Variants in ARNT2 observed in about 807,000 individuals in gnomAD.
ARNT2 encodes the protein ARNT protein 2.
A neutral mutation model predicts 91.7 loss-of-function variants in ARNT2; 36 were observed. That is an observed-to-expected ratio of 0.39 (90% CI 0.30 to 0.52). The LOEUF is 0.52. Among genes scored for constraint, ARNT2 ranks in the 20% least tolerant of loss-of-function variants. ARNT2 has a pLI of 0.72. For synonymous variants in ARNT2, 365 were observed against 347.1 expected (o/e 1.05, Z -0.57); for missense variants, 775 against 939.3 (o/e 0.83, Z 2.29).
chr15:80,425,405 T>C (rs1203917737), intron 1 of ARNT2, among the ~76,000 whole-genome samples: 1 of 152,154 alleles, frequency 6.6e-6, no homozygotes, highest in East Asian at 1.9e-4. Flanking sequence ...AAAAGAAATA[T>C]CATATACTAA....
intron 1 of ARNT2, among the ~76,000 whole-genome samples, chr15:80,416,488 T>A (rs1895787497): frequency 6.6e-6 from 1 of 152,194 alleles, no homozygotes; most frequent in Non-Finnish European, 1.5e-5. Context: ...TCCACAGACC[T>A]TATTCAATTT....
chr15:80,551,098 C>G, intron 8 of ARNT2, 101 bp from the exon 9 acceptor site: 1 of 1,164,178 alleles, frequency 8.6e-7, no homozygotes, highest in Non-Finnish European at 1.3e-6. Flanking sequence ...ATGGCCAACA[C>G]TCACTGTATT....
At chr15:80,524,653 A>G (rs1206959958) in intron 8 of ARNT2, among the ~76,000 whole-genome samples, 1 of 152,012 alleles carries the variant, frequency 6.6e-6, no homozygotes, top group Non-Finnish European at 1.5e-5. Context: ...GAGGCGGGCG[A>G]TTCATGAGGT....
chr15:80,553,806 T>A (rs1475328143), intron 10 of ARNT2, among the ~76,000 whole-genome samples: 1 of 152,212 alleles, frequency 6.6e-6, no homozygotes, highest in East Asian at 1.9e-4. Context: ...ATTTTAATGA[T>A]GTGTATTTTA....
chr15:80,577,090 G>A (rs1272243353), intron 15 of ARNT2, 125 bp downstream of exon 15: 10 of 899,736 alleles, frequency 1.1e-5, no homozygotes, highest in Non-Finnish European at 1.6e-5. Context: ...TCAGGCCTTG[G>A]ACTAAACTGA....
At chr15:80,415,228 T>C (rs1470760899) in intron 1 of ARNT2, among the ~76,000 whole-genome samples, 1 of 152,266 alleles carries the variant, frequency 6.6e-6, no homozygotes, top group African/African-American at 2.4e-5. Context: ...CTCCTCCTGC[T>C]ATGTCCCCTG....
chr15:80,574,261 C>T (rs1898630657), intron 13 of ARNT2, 41 bp downstream of exon 13: 2 of 1,584,818 alleles, frequency 1.3e-6, no homozygotes, highest in Non-Finnish European at 8.7e-7. Flanking sequence ...GAATTGTCTC[C>T]AGCCCAATGG....
intron 1 of ARNT2, chr15:80,436,026 T>C (rs2141573301): frequency 6.6e-6 from 1 of 152,220 alleles, no homozygotes; most frequent in East Asian, 1.9e-4. Context: ...TCCTTCATCC[T>C]TCCCCCCCGC....
At chr15:80,524,328 A>G (rs934714526) in intron 8 of ARNT2, among the ~76,000 whole-genome samples, 4 of 152,220 alleles carry the variant, frequency 2.6e-5, no homozygotes, top group Admixed American at 1.3e-4. Flanking sequence ...AACCTTTTGT[A>G]GAATAACCTG....
intron 12 of ARNT2, among the ~76,000 whole-genome samples, chr15:80,572,134 A>C (rs1372299757): frequency 2.0e-5 from 3 of 151,790 alleles, no homozygotes; most frequent in Non-Finnish European, 4.4e-5. Context: ...AAAAAAAAAA[A>C]CAAACCTATT....
At chr15:80,515,337 G>A (rs974948323) in intron 8 of ARNT2, among the ~76,000 whole-genome samples, 2 of 152,084 alleles carry the variant, frequency 1.3e-5, no homozygotes, top group Admixed American at 1.3e-4. Flanking sequence ...CAACTCAAAT[G>A]TACACCAAGT....
chr15:80,497,678 C>T lies in ARNT2; in HGVS notation c.623-10478C>T, dbSNP rs78033166. Among the ~76,000 whole-genome samples, 1,364 of 152,306 alleles carry T rather than the reference C, an allele frequency of 9.0e-3. 29 individuals are homozygous for T. Among genetic ancestry groups the T allele is most frequent in the African/African-American group, 0.031 (1,282 of 41,548 alleles). On this transcript the variant is annotated intron_variant, in intron 5 of 18. Transcript: ENST00000303329. The stretch of plus-strand genomic sequence containing the variant: ...CCATTCTGTTGAGGGCAGTAGCATT[C>T]CCTGTGCTGCAGGAGAGCTGAGAAG...
At chr15:80,508,814 T>A (rs1275632449) in intron 6 of ARNT2, among the ~76,000 whole-genome samples, 1 of 152,190 alleles carries the variant, frequency 6.6e-6, no homozygotes, top group Non-Finnish European at 1.5e-5. Flanking sequence ...GATTTGTACA[T>A]CATAATTGAA....
At chr15:80,409,995 C>G (rs1567172561) in intron 1 of ARNT2, among the ~76,000 whole-genome samples, 1 of 152,128 alleles carries the variant, frequency 6.6e-6, no homozygotes, top group African/African-American at 2.4e-5. Flanking sequence ...GGGACTGAGA[C>G]TTCATTTTTA....
In ARNT2 at chr15:80,593,924, G is replaced by GTCCT. The variant is rs1893330611; in HGVS notation, c.*227_*228insCCTT. ...CCTGGCAGACATTAGGGGATCAGTTGTATTTATTGTATTTTATCTGTGTGT... is the reference window on the plus strand; with the variant it reads ...CCTGGCAGACATTAGGGGATCAGTTGTCCTTATTTATTGTATTTTATCTGTGTGT... On this transcript the variant is annotated 3_prime_UTR_variant, in exon 19 of 19. Coordinates refer to ENST00000303329, the MANE Select transcript of ARNT2 (RefSeq NM_014862.4). 1 of 549,306 alleles carries GTCCT rather than the reference G, an allele frequency of 1.8e-6. No individual in the cohort carries two copies. The highest frequency in any genetic ancestry group is 3.2e-6 in the Non-Finnish European group (1 of 308,108). 34.0% of individuals were successfully genotyped at this position (549,306 alleles called of 1,614,324 possible). A position where few individuals can be genotyped will look rare whatever the true frequency, so the allele number is the denominator to read the frequency against.
At chr15:80,405,132 G>A (rs1895580719) in intron 1 of ARNT2, among the ~76,000 whole-genome samples, 1 of 152,244 alleles carries the variant, frequency 6.6e-6, no homozygotes, top group Non-Finnish European at 1.5e-5. Flanking sequence ...CCCTGGTCCT[G>A]CCCAGGTGAC....
At chr15:80,451,058 T>C (rs1793847310) in intron 2 of ARNT2, 64 bp downstream of exon 2, 1 of 1,438,124 alleles carries the variant, frequency 7.0e-7, no homozygotes, top group Non-Finnish European at 9.6e-7. Flanking sequence ...CTTGACCTGT[T>C]AGGAAAATAT....
At chr15:80,561,389 A>C (rs1177605795) in intron 11 of ARNT2, among the ~76,000 whole-genome samples, 1 of 152,178 alleles carries the variant, frequency 6.6e-6, no homozygotes. Flanking sequence ...AATCACACCC[A>C]GGCCTAGCCC....
chr15:80,489,041 A>G (rs1230315418), intron 5 of ARNT2, among the ~76,000 whole-genome samples: 2 of 152,172 alleles, frequency 1.3e-5, no homozygotes, highest in African/African-American at 2.4e-5. Context: ...TTACTTTGGG[A>G]TGTTTGAAAA....
Sources: allele counts gnomAD v4.1 joint callset (sites outside exome capture counted in the v4.1 genomes callset), GRCh38; gene constraint gnomAD v4.1.1; transcripts MANE v1.5; gene names NCBI Gene and HGNC (gene_info 2026-07-23, HGNC 2026-07-21).